Variants in PIK3CD observed in about 807,000 individuals in gnomAD.
PIK3CD encodes the protein phosphatidylinositol 4,5-bisphosphate 3-kinase catalytic subunit delta isoform.
A neutral mutation model predicts 122.9 loss-of-function variants in PIK3CD; 20 were observed. That is an observed-to-expected ratio of 0.16 (90% confidence interval 0.11 to 0.24). The LOEUF is 0.24. Among genes scored for constraint, PIK3CD ranks in the 10% least tolerant of loss-of-function variants. PIK3CD has a pLI of 1.00. For missense variants in PIK3CD, 787 were observed against 1,406.3 expected (o/e 0.56, Z 7.04); for synonymous variants, 596 against 593.4 (o/e 1.00, Z -0.06).
chr1:9,683,199 G>A (rs1174687216), intron 1 of PIK3CD, among the ~76,000 whole-genome samples: 1 of 151,502 alleles, frequency 6.6e-6, no homozygotes, highest in East Asian at 1.9e-4. Context: ...AGCACTTTGG[G>A]AGGCAGAGGC....
chr1:9,646,709 T>C, the PIK3CD span, among the ~76,000 whole-genome samples: 1 of 152,086 alleles, frequency 6.6e-6, no homozygotes, highest in Non-Finnish European at 1.5e-5. Flanking sequence ...TCCCAGCACT[T>C]TGGGAGGCCG....
In PIK3CD at chr1:9,718,529, G is replaced by A. The variant is rs544148893; in HGVS notation, c.1021-165G>A. Among the ~76,000 whole-genome samples the A allele has an allele frequency of 6.1e-4, 93 of 152,212 alleles. No individual in the cohort carries two copies. The highest frequency in any genetic ancestry group is 1.2e-3 in the Non-Finnish European group (79 of 68,012). The stretch of plus-strand genomic sequence containing the variant: ...TGGTACCCTCCCTCACCCCAGGGCC[G>A]CTCATGCCCCTCAGGCCTTCCCTGT... On this transcript the variant is annotated intron_variant, in intron 8 of 23. Transcript: ENST00000377346. This position sits in a 1 kb window ranked among gnomAD's most constrained non-coding sequence, Gnocchi z 7.2.
Position 9,720,212 on chromosome 1 carries a change from G to A in PIK3CD, c.1440G>A (p.Pro480=), listed in dbSNP as rs374803520. 1.7e-5 allele frequency: 28 copies of A among 1,610,332 alleles called. No individual in the cohort carries two copies. The highest frequency in any genetic ancestry group is 4.5e-5 in the East Asian group (2 of 44,794). The part of the protein sequence containing the change: ...ALLICLPEVA[P]HPVYYPALEK... Reference sequence around the variant, plus strand: ...TCATCTGCCTGCCCGAGGTGGCCCCGCACCCCGTGTACTACCCCGCCCTGG... The same window carrying A: ...TCATCTGCCTGCCCGAGGTGGCCCCACACCCCGTGTACTACCCCGCCCTGG... The change falls in exon 11 of 24, where the codon CCG becomes CCA. Residue 480 remains proline, a synonymous_variant. Coordinates refer to ENST00000377346, the MANE Select transcript of PIK3CD (RefSeq NM_005026.5). This position sits in a 1 kb window ranked among gnomAD's most constrained non-coding sequence, Gnocchi z 9.0.
chr1:9,687,464 G>T (rs1354357660), intron 1 of PIK3CD: 1 of 152,264 alleles, frequency 6.6e-6, no homozygotes, highest in Admixed American at 6.5e-5. Flanking sequence ...GGTGTGGCCT[G>T]CAGGGAGCCT....
chr1:9,709,290 T>C (rs959615360), intron 2 of PIK3CD, among the ~76,000 whole-genome samples: 1 of 152,100 alleles, frequency 6.6e-6, no homozygotes, highest in Non-Finnish European at 1.5e-5. Flanking sequence ...GTGATCTGCC[T>C]GCCTGGGCCT....
intron 1 of PIK3CD, among the ~76,000 whole-genome samples, chr1:9,671,249 G>A (rs1055602201): frequency 6.6e-6 from 1 of 152,060 alleles, no homozygotes; most frequent in African/African-American, 2.4e-5. Context: ...ACAGGTTCAT[G>A]CCATCACACC....
At chr1:9,721,705 C>T (rs1190992092) in intron 15 of PIK3CD, 56 bp from the exon 16 acceptor site, 20 of 1,603,970 alleles carry the variant, frequency 1.2e-5, no homozygotes, top group Admixed American at 1.7e-5. Context: ...TCCTGCTGGG[C>T]GGGAGGGGCT....
chr1:9,629,420 G>C, the PIK3CD span, among the ~76,000 whole-genome samples: 2 of 151,928 alleles, frequency 1.3e-5, no homozygotes, highest in African/African-American at 4.8e-5. Flanking sequence ...CCGAGAATGA[G>C]GATGTGCTGA....
intron 2 of PIK3CD, among the ~76,000 whole-genome samples, chr1:9,706,456 G>C (rs1388287010): frequency 6.6e-6 from 1 of 152,000 alleles, no homozygotes; most frequent in Non-Finnish European, 1.5e-5. Flanking sequence ...TTGTGCCACT[G>C]TACTCCAGCC....
chr1:9,727,312 A>G lies in PIK3CD; in HGVS notation c.*266A>G. 1.9e-6 allele frequency: 1 copy of G among 525,346 alleles called. No homozygotes were observed. Among genetic ancestry groups the G allele is most frequent in the East Asian group, 3.3e-5 (1 of 29,892 alleles). 32.5% of individuals were successfully genotyped at this position (525,346 alleles called of 1,614,324 possible). On this transcript the variant is annotated 3_prime_UTR_variant, in exon 24 of 24. Transcript: ENST00000377346. Reference sequence around the variant, plus strand: ...GCTCTCGGCTGAGGATTGTCACCCCAAGTCTTCCAGCTGGTGGATCTGGGC... The same window carrying G: ...GCTCTCGGCTGAGGATTGTCACCCCGAGTCTTCCAGCTGGTGGATCTGGGC...
intron 2 of PIK3CD, among the ~76,000 whole-genome samples, chr1:9,701,087 C>G (rs1239287817): frequency 2.0e-5 from 3 of 152,138 alleles, no homozygotes; most frequent in African/African-American, 7.2e-5. Context: ...CTCACTCCCT[C>G]ACCTAAAATC....
At chr1:9,711,192 C>T (rs1362839657) in intron 3 of PIK3CD, among the ~76,000 whole-genome samples, 4 of 151,994 alleles carry the variant, frequency 2.6e-5, no homozygotes, top group Non-Finnish European at 4.4e-5. Flanking sequence ...CTCCCAGGCT[C>T]AAGCAGTTCT....
chr1:9,665,920 ATTTTTGTTTTTG>A (rs991369372), intron 1 of PIK3CD, among the ~76,000 whole-genome samples: 3 of 151,270 alleles, frequency 2.0e-5, no homozygotes, highest in African/African-American at 7.3e-5. Context: ...TGCCCAGCTA[ATTTTTGTTTTTG>A]TTTTTGTTTT....
intron 2 of PIK3CD, among the ~76,000 whole-genome samples, chr1:9,692,599 G>A (rs1646242165): frequency 1.3e-5 from 2 of 151,972 alleles, no homozygotes; most frequent in Admixed American, 1.3e-4. Flanking sequence ...GCGTAGTGGT[G>A]GGCACCTGTA....
rs1648781008 is a variant in PIK3CD at position 9,722,160 on chromosome 1, C to G, written c.2234+7C>G. On this transcript the variant is annotated splice_region_variant and intron_variant, in intron 17 of 23. Coordinates refer to ENST00000377346, the MANE Select transcript of PIK3CD (RefSeq NM_005026.5). The surrounding 1 kb of genome is among the most constrained non-coding windows in gnomAD (Gnocchi z 7.6). Reference sequence around the variant, plus strand: ...CCCTGCTGGCTGAAGTCTGGTGAGCCCAAGCCCCGCCACAAGGGTTCCTCC... The same window carrying G: ...CCCTGCTGGCTGAAGTCTGGTGAGCGCAAGCCCCGCCACAAGGGTTCCTCC... 2 of 1,604,204 alleles carry G rather than the reference C, an allele frequency of 1.2e-6. No homozygotes were observed. Among genetic ancestry groups the G allele is most frequent in the Non-Finnish European group, 1.7e-6 (2 of 1,174,270 alleles).
the PIK3CD span, among the ~76,000 whole-genome samples, chr1:9,637,030 T>C: frequency 6.6e-6 from 1 of 152,078 alleles, no homozygotes; most frequent in Non-Finnish European, 1.5e-5. Context: ...CCTGAGTAGC[T>C]GGGACTACAG....
At chr1:9,676,935 A>T (rs1364906802) in intron 1 of PIK3CD, among the ~76,000 whole-genome samples, 1 of 152,106 alleles carries the variant, frequency 6.6e-6, no homozygotes, top group Admixed American at 6.5e-5. Context: ...CTGCTCTGAG[A>T]ATGGAAGCAT....
In PIK3CD at chr1:9,721,444, G is replaced by A; in HGVS notation, c.1812G>A (p.Thr604=). 1 of 1,613,448 alleles carries A rather than the reference G, an allele frequency of 6.2e-7. No homozygotes were observed. Among genetic ancestry groups the A allele is most frequent in the Non-Finnish European group, 8.5e-7 (1 of 1,180,028 alleles). The change falls in exon 15 of 24, where the codon ACG becomes ACA. Residue 604 remains threonine, a splice_region_variant and synonymous_variant. Transcript: ENST00000377346. Reference sequence around the variant, plus strand: ...GCCCCAGCGCCTTCCTTCCCTGCAGGGACGATGAGCTGTTCCAGTACCTGC... The same window carrying A: ...GCCCCAGCGCCTTCCTTCCCTGCAGAGACGATGAGCTGTTCCAGTACCTGC... The part of the protein sequence containing the change: ...SFAIKSLRKL[T]DDELFQYLLQ...
At chr1:9,708,779 C>T (rs1013984697) in intron 2 of PIK3CD, among the ~76,000 whole-genome samples, 48 of 152,048 alleles carry the variant, frequency 3.2e-4, no homozygotes, top group Admixed American at 7.9e-4. Flanking sequence ...AGCCCAAGAG[C>T]TGAGATTGCA....
Sources: allele counts gnomAD v4.1 joint callset (sites outside exome capture counted in the v4.1 genomes callset), GRCh38; gene constraint gnomAD v4.1.1; non-coding constraint Gnocchi (gnomAD v3.1); transcripts MANE v1.5; gene names NCBI Gene and HGNC (gene_info 2026-07-23, HGNC 2026-07-21).